Variants in MTPN observed in about 807,000 individuals in gnomAD.
MTPN encodes the protein granule cell differentiation protein.
Under a neutral mutation model 13.5 loss-of-function variants are expected in MTPN, and 2 were observed. That is an observed-to-expected ratio of 0.15 (90% CI 0.06 to 0.47). The LOEUF (loss-of-function observed/expected upper bound fraction) is 0.47, where lower values mean the gene tolerates loss of function less well. Among genes scored for constraint, MTPN ranks in the 20% least tolerant of loss-of-function variants. The probability of loss-of-function intolerance (pLI) is 0.97; values close to 1 mark genes in which losing one functional copy is unlikely to be tolerated. For missense variants in MTPN, 79 were observed against 137.9 expected, an observed-to-expected ratio of 0.57 and a Z score of 2.14; for synonymous variants, 46 against 51.7, an observed-to-expected ratio of 0.89 and a Z score of 0.48.
rs184785752 is a variant in MTPN, at chr7:135,937,797, C to A, written c.271-7785G>T. The stretch of plus-strand genomic sequence containing the variant: ...CCCCCAATTCCTCCTCCTCAAGCTA[C>A]TTGAAGCAAAGAAAATGAGGATAAA... On this transcript the variant is annotated intron_variant, in intron 3 of 3. Transcript: ENST00000393085. 2.0e-5 allele frequency among the ~76,000 whole-genome samples: 3 copies of A among 152,282 alleles called. 1 individual carries two copies. Among genetic ancestry groups the A allele is most frequent in the Admixed American group, 2.0e-4 (3 of 15,284 alleles).
At chr7:135,935,423 G>T (rs1799100730) in intron 3 of MTPN, among the ~76,000 whole-genome samples, 1 of 152,026 alleles carries the variant, frequency 6.6e-6, no homozygotes. Context: ...TGTATTTTTA[G>T]TAGAGATAGG....
intron 1 of MTPN, among the ~76,000 whole-genome samples, chr7:135,972,095 C>A (rs920501512): frequency 1.3e-4 from 20 of 152,008 alleles, no homozygotes; most frequent in Non-Finnish European, 1.5e-5. Context: ...ACAGTCAGAG[C>A]TAATTAGTTG....
intron 1 of MTPN, among the ~76,000 whole-genome samples, chr7:135,954,806 G>A (rs1799417998): frequency 6.6e-6 from 1 of 152,156 alleles, no homozygotes; most frequent in Admixed American, 6.5e-5. Context: ...AGCTGGGCGT[G>A]GTGGTGGGCA....
chr7:135,945,288 G>GA (rs1473071952), intron 3 of MTPN, among the ~76,000 whole-genome samples: 5 of 152,098 alleles, frequency 3.3e-5, no homozygotes, highest in Non-Finnish European at 5.9e-5. Context: ...AAATTTATAA[G>GA]AAAAATTTTC....
chr7:135,976,967 T>TTCCTCAGCC, intron 1 of MTPN, 62 bp downstream of exon 1: 1 of 855,154 alleles, frequency 1.2e-6, no homozygotes, highest in Non-Finnish European at 1.8e-6. Flanking sequence ...TCCCATCAGC[T>TTCCTCAGCC]TCCTCAGCCT....
chr7:135,972,227 G>GCA (rs1403452399), intron 1 of MTPN, among the ~76,000 whole-genome samples: 2 of 116,698 alleles, frequency 1.7e-5, no homozygotes, highest in African/African-American at 3.3e-5. Context: ...ACGCGCACGC[G>GCA]CGCGCACACA....
intron 1 of MTPN, among the ~76,000 whole-genome samples, chr7:135,972,087 A>G (rs910749725): frequency 6.6e-6 from 1 of 152,190 alleles, no homozygotes; most frequent in South Asian, 2.1e-4. Context: ...CTTCATTCAC[A>G]GTCAGAGCTA....
At chr7:135,968,223 TCTGA>T in intron 1 of MTPN, among the ~76,000 whole-genome samples, 1 of 152,334 alleles carries the variant, frequency 6.6e-6, no homozygotes, top group Admixed American at 6.5e-5. Flanking sequence ...TATACATGTC[TCTGA>T]CTTTGTAAAT....
At chr7:135,948,726 C>A (rs1248631275) in intron 3 of MTPN, among the ~76,000 whole-genome samples, 3 of 152,136 alleles carry the variant, frequency 2.0e-5, no homozygotes, top group African/African-American at 7.2e-5. Context: ...AAAAATATAT[C>A]CTGTTTTGTT....
intron 1 of MTPN, among the ~76,000 whole-genome samples, chr7:135,969,728 G>A (rs923382849): frequency 6.6e-6 from 1 of 152,018 alleles, no homozygotes; most frequent in Non-Finnish European, 1.5e-5. Flanking sequence ...AAAAGTAAAA[G>A]ACCATTGTAG....
chr7:135,956,558 A>ATG (rs1799446876), intron 1 of MTPN, among the ~76,000 whole-genome samples: 1 of 152,164 alleles, frequency 6.6e-6, no homozygotes, highest in African/African-American at 2.4e-5. Context: ...CATTCTCAGC[A>ATG]GATGAGCCCA....
At chr7:135,969,473 G>T (rs1327668604) in intron 1 of MTPN, among the ~76,000 whole-genome samples, 1 of 147,568 alleles carries the variant, frequency 6.8e-6, no homozygotes, top group African/African-American at 2.5e-5. Context: ...CACTTAACGT[G>T]CAAAAAAAAA....
At chr7:135,934,251 C>A (rs1417220128) in intron 3 of MTPN, among the ~76,000 whole-genome samples, 1 of 152,096 alleles carries the variant, frequency 6.6e-6, no homozygotes, top group East Asian at 1.9e-4. Flanking sequence ...ATAAAACAGT[C>A]TTAGTGCCAA....
intron 2 of MTPN, among the ~76,000 whole-genome samples, chr7:135,951,041 C>G (rs1317752935): frequency 6.6e-6 from 1 of 152,106 alleles, no homozygotes; most frequent in Non-Finnish European, 1.5e-5. Context: ...TAAAACACAG[C>G]CAAAGAGGAG....
At position 135,927,545 on chromosome 7, in the gene MTPN, T is replaced by C; in HGVS notation, c.*2381A>G. The C allele has an allele frequency of 2.6e-6, 2 of 777,924 alleles. No individual in the cohort carries two copies. Among genetic ancestry groups the C allele is most frequent in the Non-Finnish European group, 4.3e-6 (2 of 462,876 alleles). The allele number at this position is 777,924 out of a possible 1,614,324, so 48.2% of individuals were successfully genotyped here. The stretch of plus-strand genomic sequence containing the variant: ...CTTAACCTTTCGCTAATGCATGTAG[T>C]ACCAGAAAGCAAACATGGTTTTAGC... On this transcript the variant is annotated 3_prime_UTR_variant, in exon 4 of 4. Transcript: ENST00000393085.
In MTPN at chr7:135,927,473, AT is replaced by A. The variant is rs1196467259; in HGVS notation, c.*2452del. 1 of 1,499,694 alleles carries A rather than the reference AT, an allele frequency of 6.7e-7. No homozygotes were observed. The highest frequency in any genetic ancestry group is 2.5e-5 in the East Asian group (1 of 40,470). The allele number at this position is 1,499,694 out of a possible 1,614,324, so 92.9% of individuals were successfully genotyped here. On this transcript the variant is annotated 3_prime_UTR_variant, in exon 4 of 4. Coordinates refer to ENST00000393085, the MANE Select transcript of MTPN (RefSeq NM_145808.4). ...AATACAAAACTACAGAACATGCAAAATTTTTTCTGAGATGTTAAGTATTACT... is the reference window on the plus strand; with the variant it reads ...AATACAAAACTACAGAACATGCAAAATTTTTCTGAGATGTTAAGTATTACT...
intron 1 of MTPN, among the ~76,000 whole-genome samples, chr7:135,954,641 A>G (rs935150669): frequency 6.6e-6 from 1 of 152,212 alleles, no homozygotes; most frequent in African/African-American, 2.4e-5. Flanking sequence ...TCTGTGAACC[A>G]AAAATGTTAC....
chr7:135,945,256 C>T (rs892247869), intron 3 of MTPN, among the ~76,000 whole-genome samples: 1 of 152,142 alleles, frequency 6.6e-6, no homozygotes, highest in Non-Finnish European at 1.5e-5. Flanking sequence ...ACTTTACAAA[C>T]ACTGTATACT....
Position 135,951,552 on chromosome 7 carries a change from G to C in MTPN, c.151C>G (p.Leu51Val), listed in dbSNP as rs1443802148. 2 of 1,612,934 alleles carry C rather than the reference G, an allele frequency of 1.2e-6. No individual in the cohort carries two copies. The highest frequency in any genetic ancestry group is 1.3e-5 in the African/African-American group (1 of 74,892). ...YAADCGQLEI[L>V]EFLLLKGADI... Reference sequence around the variant, plus strand: ...GCTCCTTTCAGCAGCAGAAATTCCAGGATTTCAAGCTGCCCACAATCTGCT... The same window carrying C: ...GCTCCTTTCAGCAGCAGAAATTCCACGATTTCAAGCTGCCCACAATCTGCT... Residue 51 changes from leucine to valine, a missense_variant, in exon 2 of 4, where the codon CTG becomes GTG. Leu to Val is a conservative substitution (Grantham distance 32). Transcript: ENST00000393085.
Sources: allele counts gnomAD v4.1 joint callset (sites outside exome capture counted in the v4.1 genomes callset), GRCh38; gene constraint gnomAD v4.1.1; transcripts MANE v1.5; gene names NCBI Gene and HGNC (gene_info 2026-07-23, HGNC 2026-07-21).